The following ECE1 variants were observed in gnomAD, a reference collection of about 807,000 sequenced individuals.
The protein encoded by ECE1 is endothelin converting enzyme 1.
ECE1 carries 35 observed loss-of-function variants against 98.6 expected under a neutral mutation model. That is an observed-to-expected ratio of 0.35 (90% CI 0.27 to 0.47). The LOEUF is 0.47. Ranked by LOEUF, ECE1 falls within the 20% of genes least tolerant of loss-of-function variation. ECE1 has a pLI of 1.00. For synonymous variants in ECE1, 394 were observed against 407.1 expected (o/e 0.97, Z 0.39); for missense variants, 814 against 1,025.3 (o/e 0.79, Z 2.81).
At chr1:21,222,939 A>G (rs557333502) in intron 17 of ECE1, among the ~76,000 whole-genome samples, 87 of 151,394 alleles carry the variant, frequency 5.7e-4, no homozygotes, top group African/African-American at 1.9e-3. Flanking sequence ...CCTCACAGCT[A>G]GATTCGGCCC....
chr1:21,290,000 C>CGCGGCA (rs1188770275), intron 2 of ECE1, 70 bp downstream of exon 2: 13 of 1,074,046 alleles, frequency 1.2e-5, no homozygotes, highest in South Asian at 2.8e-5. Flanking sequence ...GGGCGGGGGG[C>CGCGGCA]GCGGCAGCGG....
intron 1 of ECE1, among the ~76,000 whole-genome samples, chr1:21,325,783 C>T (rs1031663326): frequency 6.6e-5 from 10 of 152,236 alleles, no homozygotes; most frequent in Admixed American, 3.3e-4. Flanking sequence ...TCCTGCTCCA[C>T]GGAGCAGACA....
chr1:21,331,195 G>A (rs1343224822), intron 1 of ECE1, among the ~76,000 whole-genome samples: 5 of 152,120 alleles, frequency 3.3e-5, no homozygotes, highest in Non-Finnish European at 7.4e-5. Flanking sequence ...TTGAGGTCAG[G>A]AGATCGAGAC....
At chr1:21,221,104 G>A (rs996151912) in intron 18 of ECE1, among the ~76,000 whole-genome samples, 3 of 152,218 alleles carry the variant, frequency 2.0e-5, no homozygotes, top group Admixed American at 2.0e-4. Flanking sequence ...AGAACAAATT[G>A]TCTAATGGCC....
chr1:21,227,896 A>T, intron 15 of ECE1, 35 bp downstream of exon 15: 1 of 1,524,352 alleles, frequency 6.6e-7, no homozygotes, highest in East Asian at 2.5e-5. Flanking sequence ...GGCTGGGGGA[A>T]AAGAATTGGG....
At chr1:21,229,657 T>C (rs2098179216) in intron 14 of ECE1, among the ~76,000 whole-genome samples, 1 of 152,190 alleles carries the variant, frequency 6.6e-6, no homozygotes, top group African/African-American at 2.4e-5. Flanking sequence ...ACCTTACCAA[T>C]AATAATGGAA....
chr1:21,283,594 T>C (rs1558412701), intron 2 of ECE1, among the ~76,000 whole-genome samples: 1 of 151,530 alleles, frequency 6.6e-6, no homozygotes, highest in Admixed American at 6.6e-5. Context: ...TTCCTAAGAG[T>C]AGGTATTAGC....
At position 21,220,773 on chromosome 1, in the gene ECE1, G is replaced by A. The variant is rs1410091711; in HGVS notation, c.2137-642C>T. On this transcript the variant is annotated intron_variant, in intron 18 of 18. Transcript: ENST00000374893. The surrounding 1 kb of genome is among the most constrained non-coding windows in gnomAD (Gnocchi z 5.0). ...ATCACACCATTGCACTCCAGGCCGG[G>A]TGACTGAGGGAGACTCCGGCTCCAA... Among the ~76,000 whole-genome samples the A allele has an allele frequency of 6.6e-6, 1 of 152,122 alleles. No homozygotes were observed. The highest frequency in any genetic ancestry group is 1.5e-5 in the Non-Finnish European group (1 of 68,006).
intron 1 of ECE1, among the ~76,000 whole-genome samples, chr1:21,301,649 CA>C (rs768152915): frequency 4.2e-4 from 60 of 144,568 alleles, no homozygotes; most frequent in Middle Eastern, 3.6e-3. Flanking sequence ...CCCATCTCTA[CA>C]AAAAAAAAAT....
At chr1:21,286,104 C>CA (rs2098260268) in intron 2 of ECE1, among the ~76,000 whole-genome samples, 1 of 150,932 alleles carries the variant, frequency 6.6e-6, no homozygotes, top group South Asian at 2.1e-4. Context: ...TTAACAACAA[C>CA]AAAAAAAGAT....
chr1:21,267,509 C>T (rs112106268), intron 4 of ECE1, among the ~76,000 whole-genome samples: 2,039 of 152,190 alleles, frequency 0.013, 59 homozygotes, highest in African/African-American at 0.042. Flanking sequence ...AAGAACAGCA[C>T]GGGAAAGAGC....
rs58085433 is a variant in ECE1 at position 21,320,421 on chromosome 1, A to T, written c.3+24955T>A. ...AAGGTGCTGGAGAAATAAGCTTTTT[A>T]AAAAAAATTTAATACTGTTTTATGA... On this transcript the variant is annotated intron_variant, in intron 1 of 18. Transcript: ENST00000415912. 4.3e-3 allele frequency among the ~76,000 whole-genome samples: 503 copies of T among 117,526 alleles called. 2 individuals are homozygous for T. Among genetic ancestry groups the T allele is most frequent in the African/African-American group, 0.014 (326 of 23,682 alleles). The allele number at this position is 117,526 out of a possible 152,430, so 77.1% of individuals were successfully genotyped here. A position where few individuals can be genotyped will look rare whatever the true frequency, so the allele number is the denominator to read the frequency against.
intron 2 of ECE1, among the ~76,000 whole-genome samples, chr1:21,284,441 G>A (rs1219954321): frequency 6.6e-6 from 1 of 152,178 alleles, no homozygotes; most frequent in Non-Finnish European, 1.5e-5. Context: ...GTCGTGGGAG[G>A]CAGAAAGAGA....
At chr1:21,320,633 TGA>T (rs2103401667) in intron 1 of ECE1, among the ~76,000 whole-genome samples, 1 of 152,322 alleles carries the variant, frequency 6.6e-6, no homozygotes, top group Admixed American at 6.5e-5. Flanking sequence ...TCAGAGAGGT[TGA>T]GTCACTCACA....
intron 10 of ECE1, 158 bp from the exon 11 acceptor site, chr1:21,238,402 A>G (rs2098191159): frequency 1.5e-6 from 1 of 685,602 alleles, no homozygotes; most frequent in Non-Finnish European, 2.6e-6. Context: ...CCGGACCAAG[A>G]GGCCACTGAT....
intron 1 of ECE1, among the ~76,000 whole-genome samples, chr1:21,339,609 C>A (rs995949431): frequency 2.6e-5 from 4 of 152,238 alleles, no homozygotes; most frequent in African/African-American, 7.2e-5. Flanking sequence ...GTCTCTCAGT[C>A]TTCCCACTTG....
Position 21,258,045 on chromosome 1 carries a change from C to T in ECE1, c.763-455G>A, listed in dbSNP as rs958213049. 6.6e-6 allele frequency among the ~76,000 whole-genome samples: 1 copy of T among 152,184 alleles called. No individual in the cohort carries two copies. Among genetic ancestry groups the T allele is most frequent in the Non-Finnish European group, 1.5e-5 (1 of 68,030 alleles). The stretch of plus-strand genomic sequence containing the variant: ...TCAAGAAGACAGTGCTGGTCAAGTG[C>T]CTGCCAAGCAGGAGGGGAGGGTCAA... On this transcript the variant is annotated intron_variant, in intron 6 of 18. Transcript: ENST00000374893. The surrounding 1 kb of genome is among the most constrained non-coding windows in gnomAD (Gnocchi z 4.2).
rs565366984 is a variant in ECE1 at position 21,272,888 on chromosome 1, C to T, written c.304G>A (p.Glu102Lys). The T allele has an allele frequency of 1.8e-5, 29 of 1,614,176 alleles. No homozygotes were observed. The highest frequency in any genetic ancestry group is 3.3e-5 in the South Asian group (3 of 91,086). The change falls in exon 4 of 19, where the codon GAA (glutamate) becomes AAA (lysine). Residue 102 changes from glutamate (E) to lysine (K), a missense_variant. Around this residue, in one of 3 missense-constraint regions of ECE1, gnomAD observed 257 missense variants for 278.9 expected, o/e 0.92. Coordinates refer to ENST00000374893, the MANE Select transcript of ECE1 (RefSeq NM_001397.3). ...GAGCTGGTCACTGAGACACAAGCTT[C>T]GCTCAGGCACACAGAGGGGGATCCT... is the stretch of plus-strand genomic sequence containing the variant. ...QTRSPSVCLSEACVSVTSSIL... is the reference protein window; with the variant it reads ...QTRSPSVCLSKACVSVTSSIL...
At chr1:21,282,806 G>A (rs2098256319) in intron 2 of ECE1, among the ~76,000 whole-genome samples, 1 of 151,798 alleles carries the variant, frequency 6.6e-6, no homozygotes. Context: ...AGGAACAGAA[G>A]GGGAAGATGA....
Sources: gnomAD v4.1 joint callset for allele counts (sites outside exome capture counted in the v4.1 genomes callset) on GRCh38, gnomAD v4.1.1 for gene constraint, gnomAD v4.1.1 regional missense constraint, Gnocchi (gnomAD v3.1) non-coding constraint, MANE v1.5 for transcripts, NCBI Gene and HGNC (gene_info 2026-07-23, HGNC 2026-07-21) for gene names.